Variants in PCDH7 observed in about 807,000 individuals in gnomAD.
PCDH7 encodes protocadherin 7.
PCDH7 carries 17 observed loss-of-function variants against 58.9 expected under a neutral mutation model. That is an observed-to-expected ratio of 0.29 (90% CI 0.20 to 0.43). PCDH7 has a LOEUF of 0.43. PCDH7 is among the 20% of genes least tolerant of loss of function. PCDH7 has a pLI of 1.00. For missense variants in PCDH7, 1,274 were observed against 1,441.0 expected (o/e 0.88, Z 1.88); for synonymous variants, 664 against 616.4 (o/e 1.08, Z -1.14).
chr4:31,119,948 G>GTT (rs200774411), intron 3 of PCDH7, among the ~76,000 whole-genome samples: 19 of 146,036 alleles, frequency 1.3e-4, no homozygotes, highest in Non-Finnish European at 2.3e-4. Flanking sequence ...CCAGTTTCAG[G>GTT]TTTTTTTTTT....
At chr4:30,728,841 G>T (rs956346929) in intron 1 of PCDH7, among the ~76,000 whole-genome samples, 5 of 149,952 alleles carry the variant, frequency 3.3e-5, no homozygotes, top group African/African-American at 4.9e-5. Context: ...TGTGAACATG[G>T]TTTATATCAC....
intron 1 of PCDH7, among the ~76,000 whole-genome samples, chr4:30,799,083 C>A (rs116394617): frequency 3.9e-5 from 6 of 152,138 alleles, no homozygotes; most frequent in African/African-American, 9.7e-5. Context: ...TCATCAATAT[C>A]GGAGACATAG....
At chr4:30,879,357 A>T (rs1736671410) in intron 1 of PCDH7, among the ~76,000 whole-genome samples, 2 of 152,102 alleles carry the variant, frequency 1.3e-5, no homozygotes, top group Non-Finnish European at 2.9e-5. Context: ...ATTTTCCAGG[A>T]TTAACAAAAC....
At chr4:31,124,400 T>C (rs1718046038) in intron 3 of PCDH7, among the ~76,000 whole-genome samples, 1 of 152,194 alleles carries the variant, frequency 6.6e-6, no homozygotes, top group African/African-American at 2.4e-5. Flanking sequence ...GCAGACTTCC[T>C]TTGTTCAGAT....
At chr4:30,902,415 T>A (rs1740334251) in intron 1 of PCDH7, among the ~76,000 whole-genome samples, 1 of 152,168 alleles carries the variant, frequency 6.6e-6, no homozygotes, top group Admixed American at 6.5e-5. Flanking sequence ...TAAACGTTTT[T>A]AAAAATGCCG....
chr4:30,722,100 G>A lies in PCDH7; in HGVS notation c.678G>A (p.Leu226=). 4.4e-6 allele frequency: 6 copies of A among 1,365,132 alleles called. No individual in the cohort carries two copies. Among genetic ancestry groups the A allele is most frequent in the African/African-American group, 1.5e-5 (1 of 65,274 alleles). 84.6% of individuals were successfully genotyped at this position (1,365,132 alleles called of 1,614,324 possible). The stretch of plus-strand genomic sequence containing the variant: ...GCTCGGGAGGCTCCAAGCGGCGGCT[G>A]GACGCATCAGAGGGCGGCGGCGGCA... The change falls in exon 1 of 2, where the codon CTG becomes CTA. Residue 226 remains leucine (L), a synonymous_variant. Coordinates refer to ENST00000361762, the Ensembl canonical transcript of PCDH7. The surrounding 1 kb of genome is among the most constrained non-coding windows in gnomAD (Gnocchi z 7.6).
At chr4:30,961,467 G>A (rs1748427521) in intron 3 of PCDH7, among the ~76,000 whole-genome samples, 1 of 151,978 alleles carries the variant, frequency 6.6e-6, no homozygotes, top group Admixed American at 6.5e-5. Flanking sequence ...CAGGAGAGTG[G>A]CGTGAACCTG....
At chr4:30,849,766 G>T (rs1732473481) in intron 1 of PCDH7, among the ~76,000 whole-genome samples, 1 of 151,986 alleles carries the variant, frequency 6.6e-6, no homozygotes, top group South Asian at 2.1e-4. Context: ...ATTCTGTGAG[G>T]TCTCCTTTCT....
rs561238914 is a variant in PCDH7, at chr4:30,850,290, G to T, written c.71-69863G>T. On this transcript the variant is annotated intron_variant, in intron 1 of 3. Transcript: ENST00000509759. ...GGAATAAAGGAGAATGGGCTTTTAA[G>T]CTGCAACTTGATGGCTAAGCGCTGA... 5.3e-5 allele frequency among the ~76,000 whole-genome samples: 8 copies of T among 152,196 alleles called. No homozygotes were observed. The South Asian group carries it at 1.7e-3, about 32-fold the overall frequency.
intron 3 of PCDH7, among the ~76,000 whole-genome samples, chr4:31,056,523 G>GA (rs1560608968): frequency 8.6e-5 from 9 of 104,676 alleles, no homozygotes; most frequent in South Asian, 3.7e-4. Flanking sequence ...GAAAGGGGAA[G>GA]GGAAGGGAAG....
At chr4:30,905,316 C>T (rs1461401258) in intron 1 of PCDH7, among the ~76,000 whole-genome samples, 1 of 152,112 alleles carries the variant, frequency 6.6e-6, no homozygotes, top group Non-Finnish European at 1.5e-5. Context: ...TGAACTGCTG[C>T]AGACTAACTC....
exon 2 of PCDH7, chr4:30,732,777 T>G (rs1385204264): frequency 6.6e-6 from 1 of 152,024 alleles, no homozygotes; most frequent in South Asian, 2.1e-4. Context: ...TTTACTATTA[T>G]GACTGGAAAA....
At chr4:31,092,819 A>G (rs1713433167) in intron 3 of PCDH7, among the ~76,000 whole-genome samples, 1 of 152,040 alleles carries the variant, frequency 6.6e-6, no homozygotes, top group Non-Finnish European at 1.5e-5. Context: ...TTTCAAAGCA[A>G]TCACCACTTT....
chr4:31,066,305 T>G (rs1758085191), intron 3 of PCDH7, among the ~76,000 whole-genome samples: 1 of 151,964 alleles, frequency 6.6e-6, no homozygotes, highest in African/African-American at 2.4e-5. Flanking sequence ...CAGCTTGATA[T>G]TGTGTAATAT....
Position 30,748,945 on chromosome 4 carries a change from C to T in PCDH7, c.70+24349C>T, listed in dbSNP as rs140132088. Reference sequence around the variant, plus strand: ...AGATGTAGTTATATCTGGCACTAGTCATAATTCTTTCCTCTCTTACAACTA... The same window carrying T: ...AGATGTAGTTATATCTGGCACTAGTTATAATTCTTTCCTCTCTTACAACTA... On this transcript the variant is annotated intron_variant, in intron 1 of 3. Transcript: ENST00000509759. 7.7e-3 allele frequency among the ~76,000 whole-genome samples: 1,165 copies of T among 152,224 alleles called. 11 individuals carry two copies. The highest frequency in any genetic ancestry group is 0.027 in the African/African-American group (1,102 of 41,542).
intron 1 of PCDH7, among the ~76,000 whole-genome samples, chr4:30,902,020 C>T (rs895722272): frequency 3.3e-5 from 5 of 152,064 alleles, no homozygotes; most frequent in African/African-American, 9.7e-5. Context: ...GTTTCCTCCA[C>T]GGGCATTGGT....
chr4:30,729,192 C>G (rs1715107211), intron 1 of PCDH7, among the ~76,000 whole-genome samples: 1 of 151,738 alleles, frequency 6.6e-6, no homozygotes, highest in Admixed American at 6.6e-5. Context: ...AATGTAGTGT[C>G]CAGTATTCTT....
chr4:30,850,263 A>T (rs768978490), intron 1 of PCDH7, among the ~76,000 whole-genome samples: 6 of 152,126 alleles, frequency 3.9e-5, no homozygotes, highest in Non-Finnish European at 2.9e-5. Flanking sequence ...CTCAGTCTTC[A>T]TGGAATAAAG....
chr4:30,887,788 A>G (rs1738022073), intron 1 of PCDH7, among the ~76,000 whole-genome samples: 1 of 152,132 alleles, frequency 6.6e-6, no homozygotes, highest in Non-Finnish European at 1.5e-5. Flanking sequence ...TGAGTTTTGC[A>G]TTCACACGGC....
Sources: allele counts gnomAD v4.1 joint callset (sites outside exome capture counted in the v4.1 genomes callset), GRCh38; gene constraint gnomAD v4.1.1; non-coding constraint Gnocchi (gnomAD v3.1); transcripts MANE v1.5; gene names NCBI Gene and HGNC (gene_info 2026-07-23, HGNC 2026-07-21).